CCDC6: variants seen among roughly 807,000 people sequenced by gnomAD.
The protein encoded by CCDC6 is coiled-coil domain containing 6, also known as coiled-coil domain-containing protein 6.
CCDC6 carries 20 observed loss-of-function variants against 56.6 expected under a neutral mutation model. That is an observed-to-expected ratio of 0.35 (90% CI 0.25 to 0.51). CCDC6 has a LOEUF of 0.51. CCDC6 is among the 20% of genes least tolerant of loss of function. The pLI, the probability that CCDC6 is intolerant of heterozygous loss-of-function variation, is 0.95. For synonymous variants in CCDC6, 241 were observed against 234.4 expected (o/e 1.03, Z -0.26); for missense variants, 367 against 601.1 (o/e 0.61, Z 4.07).
intron 7 of CCDC6, among the ~76,000 whole-genome samples, chr10:59,799,193 G>A (rs907274046): frequency 2.0e-5 from 3 of 151,938 alleles, no homozygotes; most frequent in Non-Finnish European, 2.9e-5. Flanking sequence ...CACTTTGGGA[G>A]GCTGAAGCGG....
At position 59,795,291 on chromosome 10, in the gene CCDC6, G is replaced by A. The variant is rs118113288; in HGVS notation, c.1106-694C>T. Among the ~76,000 whole-genome samples the A allele has an allele frequency of 6.1e-3, 928 of 151,984 alleles. 5 individuals are homozygous for A. Among genetic ancestry groups the A allele is most frequent in the Middle Eastern group, 0.014 (4 of 294 alleles). Reference sequence around the variant, plus strand: ...AACAAACACACTCAAATAGTCCAATGAAAAAATGCACAGAGAACTTGAATA... The same window carrying A: ...AACAAACACACTCAAATAGTCCAATAAAAAAATGCACAGAGAACTTGAATA... On this transcript the variant is annotated intron_variant, in intron 7 of 8. Coordinates refer to ENST00000263102, the MANE Select transcript of CCDC6 (RefSeq NM_005436.5).
chr10:59,866,735 T>C (rs2071180942), intron 1 of CCDC6, among the ~76,000 whole-genome samples: 2 of 152,202 alleles, frequency 1.3e-5, no homozygotes, highest in African/African-American at 4.8e-5. Flanking sequence ...CCAAGGCTCC[T>C]AGTCCTTCTA....
At chr10:59,897,968 C>T (rs1482170629) in intron 1 of CCDC6, among the ~76,000 whole-genome samples, 1 of 152,180 alleles carries the variant, frequency 6.6e-6, no homozygotes, top group Non-Finnish European at 1.5e-5. Context: ...TCACTTTGGA[C>T]ACACACCTGG....
rs143879820 is a variant in CCDC6 at position 59,829,339 on chromosome 10, T to A, written c.582+3186A>T. ...GCAGGTTCACCCACTACATGCAAAG[T>A]ATGGATTATTTTAAAATTACATTTT... On this transcript the variant is annotated intron_variant, in intron 3 of 8. Coordinates refer to ENST00000263102, the MANE Select transcript of CCDC6 (RefSeq NM_005436.5). Among the ~76,000 whole-genome samples the A allele has an allele frequency of 3.9e-4, 59 of 152,338 alleles. 1 individual carries two copies. The highest frequency in any genetic ancestry group is 1.4e-3 in the African/African-American group (58 of 41,582).
intron 1 of CCDC6, among the ~76,000 whole-genome samples, chr10:59,902,519 A>G (rs1279799512): frequency 2.6e-5 from 4 of 151,728 alleles, no homozygotes; most frequent in Non-Finnish European, 5.9e-5. Context: ...TCAGCCTCCA[A>G]AGAGGCTGGG....
intron 7 of CCDC6, among the ~76,000 whole-genome samples, chr10:59,796,974 A>T (rs1429904387): frequency 8.1e-6 from 1 of 123,210 alleles, no homozygotes; most frequent in Non-Finnish European, 1.7e-5. Context: ...CCATCTCAAA[A>T]AAAAAAAAAA....
At chr10:59,814,973 A>G (rs1034280605) in intron 3 of CCDC6, among the ~76,000 whole-genome samples, 2 of 152,172 alleles carry the variant, frequency 1.3e-5, no homozygotes, top group Non-Finnish European at 1.5e-5. Context: ...TGTCTGGTAC[A>G]TGAAATGCAT....
chr10:59,804,249 A>C (rs1195988054), intron 7 of CCDC6, among the ~76,000 whole-genome samples, 171 bp downstream of exon 7: 1 of 124,024 alleles, frequency 8.1e-6, no homozygotes, highest in African/African-American at 3.3e-5. Flanking sequence ...TTTATGCTTA[A>C]AATTTTCAAA....
intron 3 of CCDC6, among the ~76,000 whole-genome samples, chr10:59,818,506 G>GA (rs2070726713): frequency 7.6e-6 from 1 of 130,898 alleles, no homozygotes; most frequent in Admixed American, 7.6e-5. Flanking sequence ...GGGGGGGGGG[G>GA]AAGCAGATTC....
intron 3 of CCDC6, among the ~76,000 whole-genome samples, chr10:59,823,132 G>C (rs987552438): frequency 6.6e-6 from 1 of 152,086 alleles, no homozygotes; most frequent in Non-Finnish European, 1.5e-5. Context: ...CAATTCATTT[G>C]TGCAACCTCA....
chr10:59,844,603 A>T (rs1433722401), intron 2 of CCDC6, among the ~76,000 whole-genome samples: 1 of 151,014 alleles, frequency 6.6e-6, no homozygotes, highest in Non-Finnish European at 1.5e-5. Context: ...AAAAAAAAAA[A>T]TACAAAAATT....
intron 1 of CCDC6, among the ~76,000 whole-genome samples, chr10:59,887,286 G>A (rs1423111351): frequency 6.6e-6 from 1 of 152,124 alleles, no homozygotes; most frequent in African/African-American, 2.4e-5. Flanking sequence ...TACTTCACAA[G>A]ACTGATGTAA....
In CCDC6 at chr10:59,849,452, T is replaced by C. The variant is rs548690611; in HGVS notation, c.453+3101A>G. Among the ~76,000 whole-genome samples the C allele has an allele frequency of 5.3e-5, 8 of 152,330 alleles. 2 individuals are homozygous for C. Among genetic ancestry groups the C allele is most frequent in the African/African-American group, 1.9e-4 (8 of 41,580 alleles). ...TGTATCTTAAGCAAACTTGATTCTA[T>C]TTTTTAAAGGTATTGGATACCCAAC... On this transcript the variant is annotated intron_variant, in intron 2 of 8. Transcript: ENST00000263102.
intron 4 of CCDC6, among the ~76,000 whole-genome samples, chr10:59,813,883 C>G (rs1474230095): frequency 6.6e-6 from 1 of 152,116 alleles, no homozygotes; most frequent in African/African-American, 2.4e-5. Context: ...AAAACAATTA[C>G]AAATATGCAT....
At chr10:59,903,465 T>C (rs1232394808) in intron 1 of CCDC6, among the ~76,000 whole-genome samples, 1 of 151,782 alleles carries the variant, frequency 6.6e-6, no homozygotes, top group East Asian at 1.9e-4. Flanking sequence ...AAAAATAAAG[T>C]CTATTAAAAA....
rs112862717 is a variant in CCDC6 at position 59,809,828 on chromosome 10, T to C, written c.848-2750A>G. 1.6e-3 allele frequency among the ~76,000 whole-genome samples: 245 copies of C among 152,312 alleles called. 3 individuals are homozygous for C. Among genetic ancestry groups the C allele is most frequent in the African/African-American group, 5.7e-3 (237 of 41,562 alleles). On this transcript the variant is annotated intron_variant, in intron 5 of 8. Coordinates refer to ENST00000263102, the MANE Select transcript of CCDC6 (RefSeq NM_005436.5). ...TTGGTTTGGTTATACAGAAAGTTGTTTCACTTAAAGTCTCAGTTTCCAAGA... is the reference window on the plus strand; with the variant it reads ...TTGGTTTGGTTATACAGAAAGTTGTCTCACTTAAAGTCTCAGTTTCCAAGA...
At chr10:59,890,452 G>A (rs2071413635) in intron 1 of CCDC6, among the ~76,000 whole-genome samples, 1 of 152,170 alleles carries the variant, frequency 6.6e-6, no homozygotes, top group East Asian at 1.9e-4. Context: ...CCTGATCTCA[G>A]GTTTGTGGGG....
In CCDC6 at chr10:59,789,157, T is replaced by A. The variant is rs1193828712; in HGVS notation, c.*3760A>T. On this transcript the variant is annotated 3_prime_UTR_variant, in exon 9 of 9. Coordinates refer to ENST00000263102, the MANE Select transcript of CCDC6 (RefSeq NM_005436.5). The stretch of plus-strand genomic sequence containing the variant: ...TTCTTAAACTGTTGTGCCTGCAACT[T>A]TGTTTTTGCCAGGATGAAGTTCAGA... 1 of 230,112 alleles carries A rather than the reference T, an allele frequency of 4.3e-6. No individual in the cohort carries two copies. Among genetic ancestry groups the A allele is most frequent in the Non-Finnish European group, 8.6e-6 (1 of 115,964 alleles). 14.3% of individuals were successfully genotyped at this position (230,112 alleles called of 1,614,324 possible). A position where few individuals can be genotyped will look rare whatever the true frequency, so the allele number is the denominator to read the frequency against.
chr10:59,799,792 A>G (rs3793882), intron 7 of CCDC6, among the ~76,000 whole-genome samples: 24,760 of 152,052 alleles, frequency 0.16, 2,560 homozygotes, highest in African/African-American at 0.29. Context: ...CCTAGCTCTG[A>G]CACTTGGCAC....
Sources: gnomAD v4.1 joint callset for allele counts (sites outside exome capture counted in the v4.1 genomes callset) on GRCh38, gnomAD v4.1.1 for gene constraint, MANE v1.5 for transcripts, NCBI Gene and HGNC (gene_info 2026-07-23, HGNC 2026-07-21) for gene names.